Variants in SETBP1 observed in about 807,000 individuals in gnomAD.
The protein encoded by SETBP1 is SET binding protein 1.
A neutral mutation model predicts 101.0 loss-of-function variants in SETBP1; 9 were observed. The ratio of observed to expected loss-of-function variants is 0.09; its 90% CI spans 0.05 to 0.16. The LOEUF is 0.16. Among genes scored for constraint, SETBP1 ranks in the 10% least tolerant of loss-of-function variants. The pLI, the probability that SETBP1 is intolerant of heterozygous loss-of-function variation, is 1.00. For missense variants in SETBP1, 1,858 were observed against 2,033.8 expected (o/e 0.91, Z 1.66); for synonymous variants, 818 against 788.5 (o/e 1.04, Z -0.63).
At chr18:44,857,309 C>T (rs971257585) in intron 2 of SETBP1, among the ~76,000 whole-genome samples, 5 of 152,182 alleles carry the variant, frequency 3.3e-5, no homozygotes, top group African/African-American at 9.7e-5. Context: ...TCTAGGTAAT[C>T]TCTCCCTTTA....
intron 4 of SETBP1, among the ~76,000 whole-genome samples, chr18:45,028,936 G>T (rs563356152): frequency 1.3e-5 from 2 of 152,150 alleles, no homozygotes; most frequent in African/African-American, 4.8e-5. Flanking sequence ...AGTAAGTTGC[G>T]AAAATTTTCT....
chr18:44,899,970 A>G (rs1397484394), intron 3 of SETBP1, among the ~76,000 whole-genome samples: 1 of 152,216 alleles, frequency 6.6e-6, no homozygotes, highest in Non-Finnish European at 1.5e-5. Context: ...TGCTGTTGCA[A>G]TGACACAACC....
chr18:44,765,276 AT>A (rs1305454157), intron 2 of SETBP1, among the ~76,000 whole-genome samples: 1 of 151,770 alleles, frequency 6.6e-6, no homozygotes, highest in Admixed American at 6.6e-5. Flanking sequence ...AAAAAAGCAG[AT>A]TTGGTTCCTC....
rs1405708004 is a variant in SETBP1 at position 44,868,697 on chromosome 18, AGGACGGAAGGAAGG to A, written c.487-531_487-518del. 8.9e-4 allele frequency among the ~76,000 whole-genome samples: 67 copies of A among 74,984 alleles called. 4 individuals carry two copies. Among genetic ancestry groups the A allele is most frequent in the African/African-American group, 3.1e-3 (54 of 17,644 alleles). 49.2% of individuals were successfully genotyped at this position (74,984 alleles called of 152,430 possible). ...GAGAGAGAGAGAGAGAGAGAGAGAG[AGGACGGAAGGAAGG>A]GAGGAAGGAAGGAAGGAAGGAAGGA... On this transcript the variant is annotated intron_variant, in intron 2 of 5. Coordinates refer to ENST00000649279, the MANE Select transcript of SETBP1 (RefSeq NM_015559.3).
chr18:45,013,231 C>T (rs2145386203), intron 4 of SETBP1, among the ~76,000 whole-genome samples: 1 of 152,302 alleles, frequency 6.6e-6, no homozygotes, highest in African/African-American at 2.4e-5. Flanking sequence ...AGCTCACCTC[C>T]TTGGCCCCAC....
intron 2 of SETBP1, among the ~76,000 whole-genome samples, chr18:44,848,690 G>T (rs58480735): frequency 6.6e-6 from 1 of 152,194 alleles, no homozygotes; most frequent in African/African-American, 2.4e-5. Context: ...AGATGAGAAG[G>T]GTTGCAGATT....
At chr18:44,801,297 T>G (rs1328460685) in intron 2 of SETBP1, among the ~76,000 whole-genome samples, 1 of 151,412 alleles carries the variant, frequency 6.6e-6, no homozygotes, top group African/African-American at 2.4e-5. Context: ...AAAGGTTAAG[T>G]AGGGGCAGGA....
rs1009488751 is a variant in SETBP1 at position 44,896,218 on chromosome 18, T to A, written c.540+26935T>A. On this transcript the variant is annotated intron_variant, in intron 3 of 5. Coordinates refer to ENST00000649279, the MANE Select transcript of SETBP1 (RefSeq NM_015559.3). ...CAATCTTTGAATTGGTATTGGAAAG[T>A]GGCTTGGAGGTCCACTGTTCTAACT... 9.2e-5 allele frequency among the ~76,000 whole-genome samples: 14 copies of A among 152,322 alleles called. No homozygotes were observed. In the East Asian group the frequency reaches 2.5e-3, roughly 27 times the overall value.
intron 2 of SETBP1, among the ~76,000 whole-genome samples, chr18:44,838,664 C>T (rs1279663211): frequency 6.6e-6 from 1 of 152,182 alleles, no homozygotes; most frequent in Admixed American, 6.5e-5. Context: ...TGCTTCAGCC[C>T]CAGTTCATCC....
chr18:44,991,116 C>T (rs2072364629), intron 4 of SETBP1, among the ~76,000 whole-genome samples: 1 of 150,510 alleles, frequency 6.6e-6, no homozygotes, highest in Non-Finnish European at 1.5e-5. Context: ...GTAGCACGTG[C>T]CTTGTAGTCC....
intron 3 of SETBP1, among the ~76,000 whole-genome samples, chr18:44,928,936 T>G (rs1385087500): frequency 6.6e-6 from 1 of 152,226 alleles, no homozygotes; most frequent in Non-Finnish European, 1.5e-5. Context: ...TTAGTTTAAT[T>G]AGATCCCATT....
At chr18:44,889,994 A>G (rs747099199) in intron 3 of SETBP1, among the ~76,000 whole-genome samples, 1 of 152,206 alleles carries the variant, frequency 6.6e-6, no homozygotes, top group African/African-American at 2.4e-5. Flanking sequence ...ATGATGTACG[A>G]CATGATGTTT....
intron 2 of SETBP1, among the ~76,000 whole-genome samples, chr18:44,815,779 A>T (rs936359096): frequency 6.6e-6 from 1 of 152,200 alleles, no homozygotes; most frequent in African/African-American, 2.4e-5. Flanking sequence ...GCAGATGAGG[A>T]AACTGAGACT....
At chr18:44,831,290 A>G (rs1166795663) in intron 2 of SETBP1, among the ~76,000 whole-genome samples, 1 of 152,182 alleles carries the variant, frequency 6.6e-6, no homozygotes, top group African/African-American at 2.4e-5. Context: ...AGATTTTTCT[A>G]CCACTATCCT....
chr18:44,993,628 A>G (rs1414896655), intron 4 of SETBP1, among the ~76,000 whole-genome samples: 2 of 152,032 alleles, frequency 1.3e-5, no homozygotes, highest in African/African-American at 4.8e-5. Context: ...AAAAAATACA[A>G]TTGAGAAAAA....
At chr18:44,845,845 G>A (rs1010152124) in intron 2 of SETBP1, among the ~76,000 whole-genome samples, 8 of 152,364 alleles carry the variant, frequency 5.3e-5, no homozygotes, top group African/African-American at 1.9e-4. Context: ...GGGAATCGAT[G>A]TAGAAATTCT....
At chr18:44,721,206 T>A (rs1599032470) in intron 2 of SETBP1, among the ~76,000 whole-genome samples, 1 of 152,180 alleles carries the variant, frequency 6.6e-6, no homozygotes, top group Admixed American at 6.5e-5. Flanking sequence ...TAAGAATTCA[T>A]AAGCATCTTA....
At chr18:45,033,475 A>G (rs1286056920) in intron 4 of SETBP1, among the ~76,000 whole-genome samples, 2 of 152,206 alleles carry the variant, frequency 1.3e-5, no homozygotes, top group Non-Finnish European at 2.9e-5. Flanking sequence ...GCAAGCTTAA[A>G]AACCACTAAC....
chr18:45,056,063 C>T (rs1331532693), intron 5 of SETBP1, among the ~76,000 whole-genome samples: 2 of 152,170 alleles, frequency 1.3e-5, no homozygotes, highest in Admixed American at 6.5e-5. Context: ...AGTCCATTGA[C>T]AGCCTAGAAG....
Sources: gnomAD v4.1 joint callset for allele counts (sites outside exome capture counted in the v4.1 genomes callset) on GRCh38, gnomAD v4.1.1 for gene constraint, MANE v1.5 for transcripts, NCBI Gene and HGNC (gene_info 2026-07-23, HGNC 2026-07-21) for gene names.